GATA3: variants seen among roughly 807,000 people sequenced by gnomAD.
The protein encoded by GATA3 is trans-acting T-cell-specific transcription factor GATA-3.
Under a neutral mutation model 36.0 loss-of-function variants are expected in GATA3, and 6 were observed. The observed-to-expected ratio is 0.17, with a 90% CI of 0.09 to 0.33. GATA3 has a LOEUF of 0.33. Among genes scored for constraint, GATA3 ranks in the 10% least tolerant of loss-of-function variants. GATA3 has a pLI of 1.00. For missense variants in GATA3, 514 were observed against 610.1 expected, an observed-to-expected ratio of 0.84 and a Z score of 1.66; for synonymous variants, 326 against 273.0, an observed-to-expected ratio of 1.19 and a Z score of -1.92.
intron 3 of GATA3, among the ~76,000 whole-genome samples, chr10:8,059,522 G>A (rs561965519): frequency 2.6e-5 from 4 of 152,338 alleles, no homozygotes; most frequent in South Asian, 2.1e-4. Context: ...GTCTCCTAGA[G>A]CTCTCAGTGC....
chr10:8,069,368 T>C, intron 4 of GATA3, 105 bp from the exon 5 acceptor site: 1 of 1,195,028 alleles, frequency 8.4e-7, no homozygotes, highest in Non-Finnish European at 1.2e-6. Flanking sequence ...ATTTCAATGA[T>C]AATTTCTTCC....
Position 8,055,598 on chromosome 10 carries a change from C to G in GATA3, c.-58C>G. On this transcript the variant is annotated 5_prime_UTR_variant, in exon 2 of 6. Coordinates refer to ENST00000379328, the MANE Select transcript of GATA3 (RefSeq NM_001002295.2). This position sits in a 1 kb window ranked among gnomAD's most constrained non-coding sequence, Gnocchi z 5.4. ...CCCCCGACCTCCCAGGCGGACCGCC[C>G]TCCCTCCCCGCGCGCGGGTTCCGGG... The G allele has an allele frequency of 6.5e-7, 1 of 1,532,438 alleles. No individual in the cohort carries two copies. Among genetic ancestry groups the G allele is most frequent in the African/African-American group, 1.4e-5 (1 of 72,624 alleles). The allele number at this position is 1,532,438 out of a possible 1,614,324, so 94.9% of individuals were successfully genotyped here.
At chr10:8,047,233 G>C (rs761612289) in intron 1 of GATA3, among the ~76,000 whole-genome samples, 1 of 152,186 alleles carries the variant, frequency 6.6e-6, no homozygotes, top group Non-Finnish European at 1.5e-5. Context: ...AGGTAGGTGG[G>C]AGCCAGGTGG....
chr10:8,067,387 T>C (rs1353239305), intron 4 of GATA3, among the ~76,000 whole-genome samples: 2 of 152,214 alleles, frequency 1.3e-5, no homozygotes, highest in African/African-American at 4.8e-5. Flanking sequence ...CAGAAGCATA[T>C]CTGTGAAACA....
At chr10:8,066,814 C>T (rs1832851202) in intron 4 of GATA3, among the ~76,000 whole-genome samples, 1 of 152,136 alleles carries the variant, frequency 6.6e-6, no homozygotes, top group African/African-American at 2.4e-5. Flanking sequence ...CTTTGAGAGA[C>T]CCTAAGTTCC....
chr10:8,048,984 C>A (rs1273984923), upstream of GATA3, among the ~76,000 whole-genome samples: 3 of 151,870 alleles, frequency 2.0e-5, no homozygotes, highest in Admixed American at 6.6e-5. Context: ...AATCTCCCAG[C>A]GCATCTCCTC....
upstream of GATA3, chr10:8,053,612 T>TCGGAGCCGCGTGCCCTCCGCCC (rs1832555783): frequency 6.6e-6 from 1 of 150,680 alleles, no homozygotes; most frequent in Admixed American, 6.6e-5. This position sits in a 1 kb window ranked among gnomAD's most constrained non-coding sequence, Gnocchi z 5.1. Flanking sequence ...CTGGGGCGCC[T>TCGGAGCCGCGTGCCCTCCGCCC]CGGAGCCGCG....
upstream of GATA3, among the ~76,000 whole-genome samples, chr10:8,054,137 C>A (rs1290200065): frequency 6.6e-6 from 1 of 152,144 alleles, no homozygotes; most frequent in African/African-American, 2.4e-5. The surrounding 1 kb of genome is among the most constrained non-coding windows in gnomAD (Gnocchi z 4.2). Flanking sequence ...GCCCGAGAGG[C>A]AAATCTCAAA....
chr10:8,067,678 G>GT (rs1290424689), intron 4 of GATA3, among the ~76,000 whole-genome samples: 1 of 143,990 alleles, frequency 6.9e-6, no homozygotes. Context: ...AATTAGCTGG[G>GT]GCGGTGGCGG....
Position 8,058,834 on chromosome 10 carries a change from C to A in GATA3, c.771C>A (p.Ser257=). The A allele has an allele frequency of 6.2e-7, 1 of 1,603,416 alleles. No individual in the cohort carries two copies. Among genetic ancestry groups the A allele is most frequent in the East Asian group, 2.2e-5 (1 of 44,838 alleles). ...GCAAGTCCAGGCCCAAGGCCCGGTC[C>A]AGCACAGGTAGGAGCCAGCTCTTCC... The part of the protein sequence containing the change: ...FGCKSRPKAR[S]STEGRECVNC... The change falls in exon 3 of 6, where the codon TCC becomes TCA. Residue 257 remains serine, a synonymous_variant. Coordinates refer to ENST00000379328, the MANE Select transcript of GATA3 (RefSeq NM_001002295.2).
Position 8,058,676 on chromosome 10 carries a change from A to T in GATA3, c.613A>T (p.Met205Leu), listed in dbSNP as rs778992882. 1.7e-5 allele frequency: 27 copies of T among 1,613,158 alleles called. No homozygotes were observed. The highest frequency in any genetic ancestry group is 2.3e-5 in the Non-Finnish European group (27 of 1,179,966). Residue 205 changes from methionine (M) to leucine (L), a missense_variant, in exon 3 of 6, where the codon ATG becomes TTG. Met to Leu is a conservative substitution (Grantham distance 15). This residue lies in a region of GATA3 where 381 missense variants were observed against 354.3 expected (regional missense o/e 1.08). Coordinates refer to ENST00000379328, the MANE Select transcript of GATA3 (RefSeq NM_001002295.2). ...GGAGTCGTCCCACTCCCGTGGCAGCATGACCGCCCTGGGTGGAGCCTCCTC... is the reference window on the plus strand; with the variant it reads ...GGAGTCGTCCCACTCCCGTGGCAGCTTGACCGCCCTGGGTGGAGCCTCCTC... ...KLESSHSRGS[M>L]TALGGASSST... is the part of the protein sequence containing the mutation.
At chr10:8,045,997 T>C (rs1223657897) in intron 1 of GATA3, among the ~76,000 whole-genome samples, 18 of 152,196 alleles carry the variant, frequency 1.2e-4, no homozygotes, top group Non-Finnish European at 2.1e-4. Flanking sequence ...CTCTGCTCTG[T>C]AAGATAAAGT....
chr10:8,063,261 A>G (rs531048907), intron 3 of GATA3, among the ~76,000 whole-genome samples: 1 of 151,776 alleles, frequency 6.6e-6, no homozygotes, highest in Admixed American at 6.6e-5. Flanking sequence ...TTCCCTGCCT[A>G]AAGTTTGCAT....
At chr10:8,065,218 C>T (rs1756856965) in intron 4 of GATA3, among the ~76,000 whole-genome samples, 1 of 149,498 alleles carries the variant, frequency 6.7e-6, no homozygotes, top group South Asian at 2.1e-4. Context: ...AACTCAACAC[C>T]TTTCACATCC....
At position 8,055,111 on chromosome 10, in the gene GATA3, G is replaced by A. The variant is rs1028908661; in HGVS notation, c.-369-176G>A. Among the ~76,000 whole-genome samples, 1 of 151,924 alleles carries A rather than the reference G, an allele frequency of 6.6e-6. No homozygotes were observed. Among genetic ancestry groups the A allele is most frequent in the Admixed American group, 6.5e-5 (1 of 15,280 alleles). ...CCCTCCAAGTTGCTCAGCCAGCCCC[G>A]GCTCCCGCGAGCCGGGCTGCAGGGA... On this transcript the variant is annotated intron_variant, in intron 1 of 5. Transcript: ENST00000379328. The surrounding 1 kb of genome is among the most constrained non-coding windows in gnomAD (Gnocchi z 5.4).
At chr10:8,056,177 T>C (rs1832633941) in intron 2 of GATA3, among the ~76,000 whole-genome samples, 1 of 151,982 alleles carries the variant, frequency 6.6e-6, no homozygotes, top group Non-Finnish European at 1.5e-5. Flanking sequence ...CCTCCGTCTC[T>C]GCGCGGCTGC....
At chr10:8,059,945 T>C (rs747477553) in intron 3 of GATA3, among the ~76,000 whole-genome samples, 8 of 152,228 alleles carry the variant, frequency 5.3e-5, no homozygotes, top group Non-Finnish European at 1.0e-4. Flanking sequence ...GCCTCCGCTG[T>C]CTCTCTACAG....
intron 4 of GATA3, among the ~76,000 whole-genome samples, chr10:8,068,811 G>A (rs973202739): frequency 1.3e-5 from 2 of 152,236 alleles, no homozygotes; most frequent in Non-Finnish European, 2.9e-5. Flanking sequence ...GTTGACCTAG[G>A]ATGTCCTACT....
chr10:8,058,025 C>T (rs942063646), intron 2 of GATA3, among the ~76,000 whole-genome samples: 43 of 152,212 alleles, frequency 2.8e-4, no homozygotes, highest in African/African-American at 9.9e-4. Context: ...TCCCCCTCTG[C>T]AGCAACCTCT....
Sources: gnomAD v4.1 joint callset for allele counts (sites outside exome capture counted in the v4.1 genomes callset) on GRCh38, gnomAD v4.1.1 for gene constraint, gnomAD v4.1.1 regional missense constraint, Gnocchi (gnomAD v3.1) non-coding constraint, MANE v1.5 for transcripts, NCBI Gene and HGNC (gene_info 2026-07-23, HGNC 2026-07-21) for gene names.